Variants in KCNH5 observed in about 807,000 individuals in gnomAD.
KCNH5 encodes potassium voltage-gated channel subfamily H member 5, also known as voltage-gated delayed rectifier potassium channel KCNH5.
Under a neutral mutation model 96.1 loss-of-function variants are expected in KCNH5, and 46 were observed. The observed-to-expected ratio is 0.48, with a 90% CI of 0.38 to 0.61. The LOEUF (loss-of-function observed/expected upper bound fraction) is 0.61. KCNH5 is among the 20% of genes least tolerant of loss of function. KCNH5 has a pLI of 0.00. For missense variants in KCNH5, 907 were observed against 1,225.8 expected (o/e 0.74, Z 3.88); for synonymous variants, 439 against 449.8 (o/e 0.98, Z 0.30).
chr14:62,733,028 C>G (rs1885083928), intron 10 of KCNH5, among the ~76,000 whole-genome samples: 1 of 151,852 alleles, frequency 6.6e-6, no homozygotes, highest in African/African-American at 2.4e-5. Flanking sequence ...ATAATTAGCC[C>G]ATGCATAGTT....
chr14:62,910,942 C>CACACACACACACACACA (rs1555363114), intron 7 of KCNH5, among the ~76,000 whole-genome samples: 2 of 63,576 alleles, frequency 3.1e-5, no homozygotes, highest in African/African-American at 1.0e-4. Context: ...CACACACACA[C>CACACACACACACACACA]CCCTCTGTTG....
At chr14:63,045,066 T>C (rs757158967) in intron 1 of KCNH5, 48 bp downstream of exon 1, 1 of 1,407,936 alleles carries the variant, frequency 7.1e-7, no homozygotes, top group South Asian at 1.2e-5. Flanking sequence ...GGGGGGCGCG[T>C]GTGGGCGGGA....
intron 7 of KCNH5, among the ~76,000 whole-genome samples, chr14:62,921,979 AGATCT>A: frequency 6.6e-6 from 1 of 152,134 alleles, no homozygotes; most frequent in African/African-American, 2.4e-5. Context: ...TTATTTGACT[AGATCT>A]CATAACAACT....
chr14:62,967,468 C>T (rs1395207776), intron 6 of KCNH5, among the ~76,000 whole-genome samples: 1 of 151,884 alleles, frequency 6.6e-6, no homozygotes, highest in African/African-American at 2.4e-5. Flanking sequence ...AGGAAGACTG[C>T]TAGCCAAAGG....
intron 8 of KCNH5, among the ~76,000 whole-genome samples, chr14:62,817,175 A>T (rs1180642531): frequency 1.5e-5 from 2 of 137,646 alleles, no homozygotes; most frequent in Non-Finnish European, 3.1e-5. Context: ...TATAATATAT[A>T]ATATACTATA....
At chr14:62,797,074 C>T (rs1344576979) in intron 9 of KCNH5, among the ~76,000 whole-genome samples, 1 of 151,968 alleles carries the variant, frequency 6.6e-6, no homozygotes, top group Non-Finnish European at 1.5e-5. Flanking sequence ...TCCTTTCACA[C>T]CCAGGACCAA....
At chr14:63,021,282 T>C (rs1376427384) in intron 1 of KCNH5, among the ~76,000 whole-genome samples, 1 of 152,086 alleles carries the variant, frequency 6.6e-6, no homozygotes, top group Non-Finnish European at 1.5e-5. Flanking sequence ...GTTTATATAA[T>C]CAAATCTCAA....
At chr14:62,834,713 T>C (rs1462759552) in intron 8 of KCNH5, among the ~76,000 whole-genome samples, 1 of 152,018 alleles carries the variant, frequency 6.6e-6, no homozygotes, top group South Asian at 2.1e-4. Context: ...GAGTATATAA[T>C]GGTTTCTATG....
intron 8 of KCNH5, among the ~76,000 whole-genome samples, chr14:62,838,804 T>C (rs1483112477): frequency 6.6e-6 from 1 of 152,154 alleles, no homozygotes; most frequent in African/African-American, 2.4e-5. Flanking sequence ...ATGGGAATAA[T>C]TATAGTATAC....
At chr14:62,716,670 A>C (rs1329070770) in intron 10 of KCNH5, among the ~76,000 whole-genome samples, 1 of 152,200 alleles carries the variant, frequency 6.6e-6, no homozygotes, top group African/African-American at 2.4e-5. Flanking sequence ...GCAAGATTAA[A>C]AAGTCAGGGC....
intron 8 of KCNH5, among the ~76,000 whole-genome samples, chr14:62,824,486 T>C (rs1887179092): frequency 6.6e-6 from 1 of 152,112 alleles, no homozygotes; most frequent in Admixed American, 6.6e-5. Flanking sequence ...ACTTCAGTAC[T>C]TCAAAAAACG....
chr14:62,961,112 TATG>T (rs1890197391), intron 6 of KCNH5, among the ~76,000 whole-genome samples: 2 of 152,244 alleles, frequency 1.3e-5, no homozygotes, highest in Admixed American at 6.5e-5. Flanking sequence ...TTCCAAACAT[TATG>T]ATATGTGTAC....
At chr14:62,749,438 A>C (rs1232218586) in intron 10 of KCNH5, among the ~76,000 whole-genome samples, 1 of 152,144 alleles carries the variant, frequency 6.6e-6, no homozygotes, top group African/African-American at 2.4e-5. Flanking sequence ...GGTCACCTCC[A>C]TTTTGAGGAA....
chr14:62,778,084 T>A (rs980895263), intron 10 of KCNH5, among the ~76,000 whole-genome samples: 3 of 152,154 alleles, frequency 2.0e-5, no homozygotes, highest in Non-Finnish European at 2.9e-5. Flanking sequence ...AATGTACGGA[T>A]GTTGGATAGG....
At chr14:62,722,475 C>T (rs960134663) in intron 10 of KCNH5, among the ~76,000 whole-genome samples, 2 of 152,090 alleles carry the variant, frequency 1.3e-5, no homozygotes, top group African/African-American at 4.8e-5. Flanking sequence ...GGGTTTCTAA[C>T]CAAGGTTCAT....
chr14:62,768,023 G>A (rs1284301162), intron 10 of KCNH5, among the ~76,000 whole-genome samples: 1 of 152,084 alleles, frequency 6.6e-6, no homozygotes, highest in African/African-American at 2.4e-5. Context: ...CATGAACCTA[G>A]AGTGTGGCAT....
chr14:62,984,114 G>A (rs1290210493), intron 5 of KCNH5, among the ~76,000 whole-genome samples: 1 of 152,066 alleles, frequency 6.6e-6, no homozygotes, highest in Non-Finnish European at 1.5e-5. Context: ...CATTTTCATT[G>A]TTATGTCATT....
At chr14:62,866,505 T>G (rs1400058292) in intron 7 of KCNH5, among the ~76,000 whole-genome samples, 1 of 152,182 alleles carries the variant, frequency 6.6e-6, no homozygotes. Context: ...CCATATCAAG[T>G]TCATTCTACC....
intron 1 of KCNH5, among the ~76,000 whole-genome samples, chr14:63,024,573 A>G (rs11620741): frequency 0.048 from 7,274 of 152,068 alleles, 199 homozygotes; most frequent in East Asian, 0.06. Flanking sequence ...ACTCAAAAAA[A>G]TCAGAAATCA....
Sources: gnomAD v4.1 joint callset for allele counts (sites outside exome capture counted in the v4.1 genomes callset) on GRCh38, gnomAD v4.1.1 for gene constraint, MANE v1.5 for transcripts, NCBI Gene and HGNC (gene_info 2026-07-23, HGNC 2026-07-21) for gene names.